MAGI2: variants seen among roughly 807,000 people sequenced by gnomAD.
MAGI2 encodes the protein membrane-associated guanylate kinase, WW and PDZ domain-containing protein 2.
MAGI2 carries 35 observed loss-of-function variants against 133.3 expected under a neutral mutation model. The observed-to-expected ratio is 0.26, with a 90% CI of 0.20 to 0.35. MAGI2 has a LOEUF of 0.35. Ranked by LOEUF, MAGI2 falls within the 10% of genes least tolerant of loss-of-function variation. The pLI is 1.00. For missense variants in MAGI2, 1,636 were observed against 1,863.4 expected, an observed-to-expected ratio of 0.88 and a Z score of 2.25; for synonymous variants, 729 against 710.6, an observed-to-expected ratio of 1.03 and a Z score of -0.41.
At chr7:78,169,649 G>C (rs1825936920) in intron 14 of MAGI2, among the ~76,000 whole-genome samples, 1 of 152,198 alleles carries the variant, frequency 6.6e-6, no homozygotes. Flanking sequence ...CACTACTTCT[G>C]CTTTCCCCTT....
At chr7:79,382,043 T>C (rs1843828310) in intron 1 of MAGI2, among the ~76,000 whole-genome samples, 1 of 151,696 alleles carries the variant, frequency 6.6e-6, no homozygotes. Context: ...GGAGAAGCAG[T>C]ATTTCTTTTA....
chr7:78,198,666 C>T (rs1388840131), intron 11 of MAGI2, among the ~76,000 whole-genome samples: 2 of 152,114 alleles, frequency 1.3e-5, no homozygotes, highest in Non-Finnish European at 2.9e-5. Context: ...TTTTCAACCT[C>T]AGCTTCTGAT....
chr7:79,328,250 A>C (rs1839836071), intron 1 of MAGI2, among the ~76,000 whole-genome samples: 1 of 152,198 alleles, frequency 6.6e-6, no homozygotes, highest in African/African-American at 2.4e-5. Flanking sequence ...ATATAGTTTT[A>C]GTTTCCATGA....
At chr7:78,557,455 T>G (rs1309310739) in intron 3 of MAGI2, among the ~76,000 whole-genome samples, 2 of 152,120 alleles carry the variant, frequency 1.3e-5, no homozygotes, top group Non-Finnish European at 2.9e-5. Flanking sequence ...AGAAGGAATT[T>G]TTTGGCTATT....
intron 9 of MAGI2, among the ~76,000 whole-genome samples, chr7:78,280,732 C>T (rs1271919133): frequency 6.6e-6 from 1 of 151,084 alleles, no homozygotes; most frequent in Admixed American, 6.7e-5. Flanking sequence ...AGACTGTGGA[C>T]AGTCAGGGAC....
rs17150998 is a variant in MAGI2, at chr7:78,550,738, T to C, written c.539-29093A>G. On this transcript the variant is annotated intron_variant, in intron 3 of 21. Transcript: ENST00000354212. Reference sequence around the variant, plus strand: ...AACTCATGAGAGAATACTGTTAGTGTTGAGCATCCTCTGAACAGTTTTTTT... The same window carrying C: ...AACTCATGAGAGAATACTGTTAGTGCTGAGCATCCTCTGAACAGTTTTTTT... Among the ~76,000 whole-genome samples the C allele has an allele frequency of 1.5e-3, 222 of 150,400 alleles. 3 individuals are homozygous for C. The East Asian group carries it at 0.04, about 27-fold the overall frequency.
At chr7:78,422,655 A>G (rs756373799) in intron 6 of MAGI2, among the ~76,000 whole-genome samples, 7 of 152,184 alleles carry the variant, frequency 4.6e-5, no homozygotes, top group Non-Finnish European at 1.0e-4. Context: ...AATAAAGTGA[A>G]GAGAAAGGAA....
At chr7:79,166,218 C>T (rs12668450) in intron 1 of MAGI2, among the ~76,000 whole-genome samples, 114,665 of 151,834 alleles carry the variant, frequency 0.76, 44,839 homozygotes, top group Non-Finnish European at 0.87. Flanking sequence ...TTATCAGTCC[C>T]AGATTAGCTT....
chr7:78,788,583 CAA>C (rs570892265), intron 2 of MAGI2, among the ~76,000 whole-genome samples: 1 of 139,230 alleles, frequency 7.2e-6, no homozygotes. Flanking sequence ...CTTTGCTTAT[CAA>C]AAAAAAAAAG....
chr7:79,236,143 A>T (rs1831905232), intron 1 of MAGI2, among the ~76,000 whole-genome samples: 1 of 152,370 alleles, frequency 6.6e-6, no homozygotes, highest in East Asian at 1.9e-4. Flanking sequence ...TTCTAAAAAC[A>T]TATTAATTTT....
chr7:78,313,266 G>T (rs575354201), intron 9 of MAGI2, among the ~76,000 whole-genome samples: 1 of 151,990 alleles, frequency 6.6e-6, no homozygotes, highest in Non-Finnish European at 1.5e-5. Context: ...TCAGGTAATG[G>T]TTACACCAGA....
chr7:78,947,111 C>T (rs1455948538), intron 2 of MAGI2, among the ~76,000 whole-genome samples: 4 of 151,972 alleles, frequency 2.6e-5, no homozygotes, highest in Non-Finnish European at 4.4e-5. Flanking sequence ...TGCATTCAGA[C>T]CATGGACAGT....
chr7:78,711,019 T>C (rs951799975), intron 2 of MAGI2, among the ~76,000 whole-genome samples: 5 of 152,158 alleles, frequency 3.3e-5, no homozygotes, highest in Admixed American at 2.0e-4. Context: ...CTTTATAAAT[T>C]CTCTTTGTAG....
intron 1 of MAGI2, among the ~76,000 whole-genome samples, chr7:79,244,363 G>A (rs931003645): frequency 6.6e-6 from 1 of 152,202 alleles, no homozygotes; most frequent in African/African-American, 2.4e-5. Flanking sequence ...AAGAGGGTAA[G>A]AAAGACAGCA....
chr7:79,390,721 C>T (rs1040898515), intron 1 of MAGI2, among the ~76,000 whole-genome samples: 2 of 152,128 alleles, frequency 1.3e-5, no homozygotes, highest in Admixed American at 6.5e-5. Flanking sequence ...TCCTATTCTT[C>T]GAAGCGTGGA....
intron 2 of MAGI2, among the ~76,000 whole-genome samples, chr7:78,979,158 A>G (rs559071484): frequency 6.6e-6 from 1 of 151,950 alleles, no homozygotes; most frequent in East Asian, 1.9e-4. Flanking sequence ...TTGCTCTGTT[A>G]TGTAACAGGC....
At chr7:79,101,565 A>G (rs1159365539) in intron 1 of MAGI2, among the ~76,000 whole-genome samples, 2 of 152,028 alleles carry the variant, frequency 1.3e-5, no homozygotes, top group South Asian at 2.1e-4. Context: ...TCCACTAAAA[A>G]TACAAAAAAT....
Position 78,050,523 on chromosome 7 carries a change from C to G in MAGI2, c.3706+28424G>C, listed in dbSNP as rs759170905. Among the ~76,000 whole-genome samples, 134 of 152,318 alleles carry G rather than the reference C, an allele frequency of 8.8e-4. 4 individuals carry two copies. Among genetic ancestry groups the G allele is most frequent in the South Asian group, 2.1e-4 (1 of 4,820 alleles). Reference sequence around the variant, plus strand: ...CTGGGACGTCTGCTTTGAACAGCATCTAAATGACACAAGAGGATTTAGCAA... The same window carrying G: ...CTGGGACGTCTGCTTTGAACAGCATGTAAATGACACAAGAGGATTTAGCAA... On this transcript the variant is annotated intron_variant, in intron 21 of 21. Coordinates refer to ENST00000354212, the MANE Select transcript of MAGI2 (RefSeq NM_012301.4).
chr7:78,703,100 T>A (rs322004), intron 2 of MAGI2, among the ~76,000 whole-genome samples: 105,799 of 151,744 alleles, frequency 0.7, 37,164 homozygotes, highest in East Asian at 0.83. Context: ...AATGCAGAAG[T>A]AAGTGACATC....
Sources: allele counts gnomAD v4.1 joint callset (sites outside exome capture counted in the v4.1 genomes callset), GRCh38; gene constraint gnomAD v4.1.1; transcripts MANE v1.5; gene names NCBI Gene and HGNC (gene_info 2026-07-23, HGNC 2026-07-21).